NEGR1: variants seen among roughly 807,000 people sequenced by gnomAD.
The protein encoded by NEGR1 is neuronal growth regulator 1.
In NEGR1, 10 loss-of-function variants were observed where a neutral mutation model predicts 40.9. That is an observed-to-expected ratio of 0.24 (90% confidence interval 0.15 to 0.42). NEGR1 has a LOEUF of 0.42. Among genes scored for constraint, NEGR1 ranks in the 10% least tolerant of loss-of-function variants. The probability of loss-of-function intolerance (pLI) is 1.00; values close to 1 mark genes in which losing one functional copy is unlikely to be tolerated. For synonymous variants in NEGR1, 185 were observed against 166.8 expected (o/e 1.11, Z -0.84); for missense variants, 352 against 438.9 (o/e 0.80, Z 1.77).
chr1:71,871,725 A>G (rs1660283688), intron 2 of NEGR1, among the ~76,000 whole-genome samples: 1 of 152,214 alleles, frequency 6.6e-6, no homozygotes, highest in Non-Finnish European at 1.5e-5. Context: ...ACTGTCAACA[A>G]GATAGTTTTT....
At chr1:71,886,964 T>C (rs1660740641) in intron 2 of NEGR1, among the ~76,000 whole-genome samples, 1 of 152,180 alleles carries the variant, frequency 6.6e-6, no homozygotes, top group Non-Finnish European at 1.5e-5. Context: ...ACTGCACTGT[T>C]GAAAATTCAT....
intron 3 of NEGR1, among the ~76,000 whole-genome samples, chr1:71,716,340 G>T (rs1018650404): frequency 5.3e-5 from 8 of 151,936 alleles, no homozygotes; most frequent in African/African-American, 1.9e-4. Flanking sequence ...ATCTTCTAGG[G>T]TTATCATGAG....
intron 2 of NEGR1, among the ~76,000 whole-genome samples, chr1:71,798,852 C>A (rs1657438469): frequency 6.6e-6 from 1 of 152,092 alleles, no homozygotes; most frequent in Non-Finnish European, 1.5e-5. Flanking sequence ...TCCCTTTAAT[C>A]CCCTATTTTG....
At chr1:72,194,540 A>C (rs537094624) in intron 1 of NEGR1, among the ~76,000 whole-genome samples, 50 of 152,092 alleles carry the variant, frequency 3.3e-4, no homozygotes, top group Non-Finnish European at 6.5e-4. Context: ...ATAGGCTTAA[A>C]CATTTTACCT....
At chr1:71,700,035 A>G (rs1653631915) in intron 3 of NEGR1, among the ~76,000 whole-genome samples, 1 of 151,998 alleles carries the variant, frequency 6.6e-6, no homozygotes, top group East Asian at 1.9e-4. Context: ...CAGCAGTGCG[A>G]AAGCGAACTA....
chr1:71,903,442 G>A (rs1281689149), intron 2 of NEGR1, among the ~76,000 whole-genome samples: 1 of 151,926 alleles, frequency 6.6e-6, no homozygotes, highest in Non-Finnish European at 1.5e-5. Context: ...CAAAAGAGTT[G>A]TATGTAATGA....
chr1:71,740,166 C>T (rs545003086), intron 3 of NEGR1, among the ~76,000 whole-genome samples: 2 of 152,220 alleles, frequency 1.3e-5, no homozygotes, highest in East Asian at 1.9e-4. Context: ...TGTTTATATC[C>T]TTATGTTCCT....
At chr1:71,887,143 T>C (rs1660745340) in intron 2 of NEGR1, among the ~76,000 whole-genome samples, 1 of 152,162 alleles carries the variant, frequency 6.6e-6, no homozygotes, top group Admixed American at 6.6e-5. Context: ...TTAAGAAAAT[T>C]ATAAGTAAGG....
At chr1:72,271,132 C>T (rs1248782752) in intron 1 of NEGR1, among the ~76,000 whole-genome samples, 1 of 151,836 alleles carries the variant, frequency 6.6e-6, no homozygotes, top group Non-Finnish European at 1.5e-5. Flanking sequence ...AAAGCATGAA[C>T]AATTTCAATA....
chr1:71,519,654 C>A (rs1647139835), intron 6 of NEGR1, among the ~76,000 whole-genome samples: 1 of 127,948 alleles, frequency 7.8e-6, no homozygotes. Flanking sequence ...GGGTGCAGCG[C>A]ACCAGCATGG....
chr1:71,691,981 G>T (rs977300117), intron 4 of NEGR1, among the ~76,000 whole-genome samples: 4 of 151,402 alleles, frequency 2.6e-5, no homozygotes, highest in Admixed American at 1.3e-4. Flanking sequence ...GTTGAGTTTG[G>T]TGTATATCTT....
At chr1:72,150,302 T>A (rs1202050767) in intron 1 of NEGR1, among the ~76,000 whole-genome samples, 2 of 152,302 alleles carry the variant, frequency 1.3e-5, no homozygotes, top group East Asian at 3.9e-4. Flanking sequence ...CATTTATCAC[T>A]TCTTTTAAAA....
chr1:71,859,059 A>G (rs139013327), intron 2 of NEGR1, among the ~76,000 whole-genome samples: 45 of 152,180 alleles, frequency 3.0e-4, no homozygotes, highest in African/African-American at 8.7e-4. Context: ...CATATGTCCT[A>G]TGTCACTTGG....
intron 4 of NEGR1, among the ~76,000 whole-genome samples, chr1:71,670,528 G>T (rs1423647764): frequency 6.6e-6 from 1 of 151,828 alleles, no homozygotes; most frequent in Non-Finnish European, 1.5e-5. Context: ...GCTATTATGA[G>T]TCAAACAATT....
chr1:71,935,341 A>G (rs1285251927), intron 1 of NEGR1, 30 bp from the exon 2 acceptor site: 2 of 1,413,752 alleles, frequency 1.4e-6, no homozygotes, highest in African/African-American at 2.8e-5. Context: ...CAACACTATT[A>G]ATCAAAATAA....
At chr1:71,494,200 G>T (rs971101637) in intron 6 of NEGR1, among the ~76,000 whole-genome samples, 1 of 152,162 alleles carries the variant, frequency 6.6e-6, no homozygotes, top group Non-Finnish European at 1.5e-5. Flanking sequence ...TTATGATGGG[G>T]ACTTTGAGGC....
intron 1 of NEGR1, among the ~76,000 whole-genome samples, chr1:72,029,002 T>C (rs1646835144): frequency 6.6e-6 from 1 of 152,194 alleles, no homozygotes; most frequent in Non-Finnish European, 1.5e-5. Flanking sequence ...AGTGCGAATA[T>C]ATCTAAAACG....
chr1:71,579,758 G>A (rs1399171688), intron 6 of NEGR1, among the ~76,000 whole-genome samples: 1 of 152,116 alleles, frequency 6.6e-6, no homozygotes, highest in Admixed American at 6.6e-5. Flanking sequence ...TGATGTTAAT[G>A]TGTGGCTTAT....
At chr1:72,096,653 T>TTTTAA (rs1486973792) in intron 1 of NEGR1, among the ~76,000 whole-genome samples, 2 of 151,500 alleles carry the variant, frequency 1.3e-5, no homozygotes, top group African/African-American at 2.4e-5. Context: ...TTTACTTTTA[T>TTTTAA]TTTATTTTAT....
Sources: gnomAD v4.1 joint callset for allele counts (sites outside exome capture counted in the v4.1 genomes callset) on GRCh38, gnomAD v4.1.1 for gene constraint, MANE v1.5 for transcripts, NCBI Gene and HGNC (gene_info 2026-07-23, HGNC 2026-07-21) for gene names.